STAU1: variants seen among roughly 807,000 people sequenced by gnomAD.
STAU1 encodes staufen double-stranded RNA binding protein 1.
STAU1 carries 13 observed loss-of-function variants against 62.9 expected under a neutral mutation model. The ratio of observed to expected loss-of-function variants is 0.21; its 90% CI spans 0.13 to 0.33. The LOEUF is 0.33. Ranked by LOEUF, STAU1 falls within the 10% of genes least tolerant of loss-of-function variation. The probability of loss-of-function intolerance (pLI) is 1.00; values close to 1 mark genes in which losing one functional copy is unlikely to be tolerated. For missense variants in STAU1, 571 were observed against 712.1 expected, an observed-to-expected ratio of 0.80 and a Z score of 2.25; for synonymous variants, 269 against 265.1, an observed-to-expected ratio of 1.01 and a Z score of -0.14.
intron 4 of STAU1, among the ~76,000 whole-genome samples, chr20:49,152,296 G>T (rs1467481455): frequency 6.7e-6 from 1 of 149,814 alleles, no homozygotes; most frequent in African/African-American, 2.4e-5. Flanking sequence ...CAGAGAGCAG[G>T]GAAATGAAGA....
At chr20:49,193,882 T>C in the STAU1 span, among the ~76,000 whole-genome samples, 2 of 151,320 alleles carry the variant, frequency 1.3e-5, no homozygotes, top group African/African-American at 2.4e-5. Context: ...GTCAGGAGAA[T>C]GGCGTGAACC....
intron 1 of STAU1, among the ~76,000 whole-genome samples, chr20:49,182,235 A>G (rs1259570228): frequency 2.6e-5 from 4 of 152,226 alleles, no homozygotes; most frequent in Non-Finnish European, 2.9e-5. Flanking sequence ...TGGTGACATA[A>G]ATCACTGTTA....
Position 49,119,999 on chromosome 20 carries a change from G to A in STAU1, c.1096C>T (p.Leu366Phe), listed in dbSNP as rs568713913. ...GCACTCACCTTCTCCTCTGACTTGA[G>A]TGCGGGTTTGGTGGGCTGCGCCTGC... is the stretch of plus-strand genomic sequence containing the variant. ...VPQAQPTKPALKSEEKTPIKK... is the reference protein window; with the variant it reads ...VPQAQPTKPAFKSEEKTPIKK... Residue 366 changes from leucine (L) to phenylalanine (F), a missense_variant, in exon 9 of 14, where the codon CTC becomes TTC. This residue lies in a region of STAU1 where 414 missense variants were observed against 499.6 expected (regional missense o/e 0.83). Transcript: ENST00000371856. 6.2e-7 allele frequency: 1 copy of A among 1,614,172 alleles called. No homozygotes were observed. The highest frequency in any genetic ancestry group is 1.3e-5 in the African/African-American group (1 of 75,054).
the STAU1 span, among the ~76,000 whole-genome samples, chr20:49,209,309 G>T: frequency 2.0e-5 from 3 of 151,376 alleles, no homozygotes; most frequent in East Asian, 5.8e-4. Context: ...GTATGGGGAA[G>T]AACTGGCTTC....
chr20:49,125,197 GCA>G (rs1491549368), intron 6 of STAU1, among the ~76,000 whole-genome samples: 1 of 11,096 alleles, frequency 9.0e-5, no homozygotes, highest in African/African-American at 3.0e-4. Flanking sequence ...GCTCATTTTT[GCA>G]AAAAAAAAAA....
At chr20:49,215,943 G>C in the STAU1 span, among the ~76,000 whole-genome samples, 1 of 138,786 alleles carries the variant, frequency 7.2e-6, no homozygotes, top group Non-Finnish European at 1.5e-5. Context: ...AGGAGGCAGA[G>C]GTTGCAGTGA....
chr20:49,114,496 GAGCC>G lies in STAU1; in HGVS notation c.*378_*381del, dbSNP rs1482046600. ...AGGGTTTGTCCCAATGTGTCTGAGT[GAGCC>G]AGCTTGAGAAGGGGTCGTGCCGTTT... On this transcript the variant is annotated 3_prime_UTR_variant, in exon 14 of 14. Transcript: ENST00000371856. 7 of 212,510 alleles carry G rather than the reference GAGCC, an allele frequency of 3.3e-5. No individual in the cohort carries two copies. Among genetic ancestry groups the G allele is most frequent in the Non-Finnish European group, 5.7e-5 (6 of 105,220 alleles). The allele number at this position is 212,510 out of a possible 1,614,324, so 13.2% of individuals were successfully genotyped here.
intron 3 of STAU1, among the ~76,000 whole-genome samples, chr20:49,164,091 G>T (rs138088190): frequency 6.6e-6 from 1 of 152,006 alleles, no homozygotes; most frequent in African/African-American, 2.4e-5. Flanking sequence ...ACAGCCGAGC[G>T]TAGTGGCAGG....
rs1327973977 is a variant in STAU1 at position 49,174,248 on chromosome 20, G to C, written c.-138C>G. On this transcript the variant is annotated 5_prime_UTR_variant, in exon 2 of 14. Transcript: ENST00000371856. ...CAATGTTGTCTTTGTTCAGTTCTGA[G>C]AGGTTAAGTGGTTAATAAACTCTGG... The C allele has an allele frequency of 6.6e-6, 1 of 152,218 alleles. No homozygotes were observed. The highest frequency in any genetic ancestry group is 2.4e-5 in the African/African-American group (1 of 41,458). 9.4% of individuals were successfully genotyped at this position (152,218 alleles called of 1,614,324 possible). A position where few individuals can be genotyped will look rare whatever the true frequency, so the allele number is the denominator to read the frequency against.
chr20:49,149,702 C>A (rs915109011), intron 5 of STAU1, among the ~76,000 whole-genome samples: 4 of 152,164 alleles, frequency 2.6e-5, no homozygotes, highest in Admixed American at 2.6e-4. Flanking sequence ...GCCTCATTTT[C>A]TTTGATTTGG....
Position 49,135,628 on chromosome 20 carries a change from T to C in STAU1, c.609+205A>G, listed in dbSNP as rs560936511. On this transcript the variant is annotated intron_variant, in intron 6 of 13. Transcript: ENST00000371856. ...CCAACTGAAGCCATCATGAACTCTC[T>C]ACACATCCATGAATGCCCCTTAGTT... 5.9e-5 allele frequency among the ~76,000 whole-genome samples: 9 copies of C among 152,258 alleles called. No homozygotes were observed. In the South Asian group the frequency reaches 1.9e-3, roughly 32 times the overall value.
rs181033942 is a variant in STAU1 at position 49,143,717 on chromosome 20, T to C, written c.511-7786A>G. ...TCCAACAGACTCTTCTGTTTTTCTATATCTAAAGTCATTTTACAAATAATT... is the reference window on the plus strand; with the variant it reads ...TCCAACAGACTCTTCTGTTTTTCTACATCTAAAGTCATTTTACAAATAATT... On this transcript the variant is annotated intron_variant, in intron 5 of 13. Transcript: ENST00000371856. Among the ~76,000 whole-genome samples, 3 of 152,328 alleles carry C rather than the reference T, an allele frequency of 2.0e-5. No homozygotes were observed. The East Asian group carries it at 5.8e-4, about 29-fold the overall frequency.
intron 1 of STAU1, among the ~76,000 whole-genome samples, chr20:49,177,315 C>T (rs975789354): frequency 2.0e-5 from 3 of 151,982 alleles, no homozygotes; most frequent in East Asian, 2.0e-4. Context: ...GCAGGTGGAT[C>T]GCTTGAGCTC....
chr20:49,175,149 C>T (rs1600855933), intron 1 of STAU1, among the ~76,000 whole-genome samples: 1 of 151,448 alleles, frequency 6.6e-6, no homozygotes, highest in Admixed American at 6.6e-5. Flanking sequence ...AGCGAGACTC[C>T]GTCTCAAAGA....
chr20:49,175,798 C>CCTT lies in STAU1; in HGVS notation c.-159-1530_-159-1529insAAG, dbSNP rs58550746. Among the ~76,000 whole-genome samples, 56 of 104,820 alleles carry CCTT rather than the reference C, an allele frequency of 5.3e-4. 4 individuals carry two copies. The highest frequency in any genetic ancestry group is 9.0e-4 in the African/African-American group (25 of 27,900). 68.8% of individuals were successfully genotyped at this position (104,820 alleles called of 152,430 possible). On this transcript the variant is annotated intron_variant, in intron 1 of 13. Transcript: ENST00000371856. ...GCCACCACACCCAACCTCATAATGC[C>CCTT]TTTTTTTTTTTTTTTTGAGACGGAG...
At chr20:49,200,542 A>T in the STAU1 span, among the ~76,000 whole-genome samples, 9 of 151,832 alleles carry the variant, frequency 5.9e-5, no homozygotes, top group Non-Finnish European at 8.8e-5. Context: ...CGGAGCTTGC[A>T]GTGAGCCGAG....
intron 3 of STAU1, among the ~76,000 whole-genome samples, chr20:49,162,754 C>T (rs529880656): frequency 2.1e-5 from 3 of 143,120 alleles, no homozygotes; most frequent in East Asian, 2.1e-4. Flanking sequence ...CCAGCCTGGG[C>T]GACAGAGCGA....
At chr20:49,157,517 G>A (rs1053285743) in intron 3 of STAU1, among the ~76,000 whole-genome samples, 3 of 149,960 alleles carry the variant, frequency 2.0e-5, no homozygotes, top group African/African-American at 7.4e-5. Context: ...GTCTTGCTCT[G>A]TCGCCAGGCT....
At chr20:49,184,119 C>G (rs556496798) in intron 1 of STAU1, among the ~76,000 whole-genome samples, 4 of 151,708 alleles carry the variant, frequency 2.6e-5, no homozygotes, top group Non-Finnish European at 5.9e-5. Context: ...TTAGTAGAGA[C>G]AGGGTTTCGC....
Sources: gnomAD v4.1 joint callset for allele counts (sites outside exome capture counted in the v4.1 genomes callset) on GRCh38, gnomAD v4.1.1 for gene constraint, gnomAD v4.1.1 regional missense constraint, MANE v1.5 for transcripts, NCBI Gene and HGNC (gene_info 2026-07-23, HGNC 2026-07-21) for gene names.